ARHGAP6: variants seen among roughly 807,000 people sequenced by gnomAD.
ARHGAP6 encodes the protein Rho GTPase activating protein 6.
Under a neutral mutation model 55.7 loss-of-function variants are expected in ARHGAP6, and 16 were observed. That is an observed-to-expected ratio of 0.29 (90% CI 0.19 to 0.44). ARHGAP6 has a LOEUF of 0.44. Among genes scored for constraint, ARHGAP6 ranks in the 20% least tolerant of loss-of-function variants. The pLI is 1.00. For synonymous variants in ARHGAP6, 382 were observed against 360.9 expected (o/e 1.06, Z -0.66); for missense variants, 698 against 808.9 (o/e 0.86, Z 1.66).
At chrX:11,412,521 C>T (rs1603190021) in intron 1 of ARHGAP6, among the ~76,000 whole-genome samples, 1 of 111,563 alleles carries the variant, frequency 9.0e-6, no homozygotes, top group African/African-American at 3.3e-5. Context: ...AAAGATAATC[C>T]GGAATTATGT....
chrX:11,394,134 C>A (rs1455422172), intron 1 of ARHGAP6, among the ~76,000 whole-genome samples: 3 of 111,748 alleles, frequency 2.7e-5, no homozygotes, highest in Admixed American at 1.9e-4. Flanking sequence ...AATAAATGTG[C>A]ACTCACAGAT....
chrX:11,208,574 C>T (rs1187307481), intron 2 of ARHGAP6, among the ~76,000 whole-genome samples: 3 of 112,359 alleles, frequency 2.7e-5, no homozygotes, highest in Non-Finnish European at 5.6e-5. Flanking sequence ...CTTTGACAGC[C>T]TTCCAGGAGA....
intron 1 of ARHGAP6, among the ~76,000 whole-genome samples, chrX:11,583,379 A>G (rs754785840): frequency 8.9e-6 from 1 of 112,338 alleles, no homozygotes; most frequent in Non-Finnish European, 1.9e-5. Flanking sequence ...TAAACACACA[A>G]AATAAGCCAC....
At chrX:11,362,866 C>T (rs898396080) in intron 1 of ARHGAP6, among the ~76,000 whole-genome samples, 4 of 110,869 alleles carry the variant, frequency 3.6e-5, no homozygotes, top group African/African-American at 6.6e-5. Context: ...ATTTGTTTAT[C>T]GGTCACATAG....
At chrX:11,268,758 C>T (rs986713536) in intron 1 of ARHGAP6, among the ~76,000 whole-genome samples, 2 of 111,266 alleles carry the variant, frequency 1.8e-5, no homozygotes, top group Non-Finnish European at 3.8e-5. Flanking sequence ...CTAGTGTAGT[C>T]CCCTGCCCTT....
chrX:11,557,563 AAC>A (rs1365291210), intron 1 of ARHGAP6, among the ~76,000 whole-genome samples: 11 of 112,046 alleles, frequency 9.8e-5, no homozygotes, highest in Middle Eastern at 4.6e-3. Flanking sequence ...CAGGAGCCAA[AAC>A]ATGAACAAAA....
At chrX:11,573,687 A>G (rs1430979438) in intron 1 of ARHGAP6, among the ~76,000 whole-genome samples, 3 of 110,446 alleles carry the variant, frequency 2.7e-5, no homozygotes, top group African/African-American at 9.9e-5. Context: ...TTGGTTCCAT[A>G]TGAACTTTAA....
chrX:11,207,588 T>C (rs2238900), intron 2 of ARHGAP6, among the ~76,000 whole-genome samples: 19,122 of 110,969 alleles, frequency 0.17, 1,274 homozygotes, highest in Middle Eastern at 0.22. Context: ...CTATGGGTCA[T>C]TGCATCTGGC....
rs2047914021 is a variant in ARHGAP6, at chrX:11,285,722, T to A, written c.589-31015A>T. Among the ~76,000 whole-genome samples the A allele has an allele frequency of 3.6e-5, 4 of 112,464 alleles. No homozygotes were observed. In the Admixed American group the frequency reaches 3.8e-4, roughly 11 times the overall value. On this transcript the variant is annotated intron_variant, in intron 1 of 12. Transcript: ENST00000337414. ...TAAGAACTAGAAAGGACCACAGTCATGATTTCTTTAGCCCGTTTATTTACA... is the reference window on the plus strand; with the variant it reads ...TAAGAACTAGAAAGGACCACAGTCAAGATTTCTTTAGCCCGTTTATTTACA...
intron 1 of ARHGAP6, among the ~76,000 whole-genome samples, chrX:11,487,101 A>G (rs1259463387): frequency 8.9e-6 from 1 of 112,334 alleles, no homozygotes; most frequent in African/African-American, 3.2e-5. Flanking sequence ...TGGAATTAGA[A>G]GCATTGGTGT....
At position 11,225,891 on chromosome X, in the gene ARHGAP6, C is replaced by T. The variant is rs185121895; in HGVS notation, c.748+28657G>A. On this transcript the variant is annotated intron_variant, in intron 2 of 12. Transcript: ENST00000337414. ...CAGTTTGACTTTATTAATATTTGTT[C>T]CACAGAGCTTTACAGGTATCCTTTA... 4.7e-3 allele frequency among the ~76,000 whole-genome samples: 512 copies of T among 109,738 alleles called. 2 individuals are homozygous for T. Among genetic ancestry groups the T allele is most frequent in the Non-Finnish European group, 5.7e-3 (302 of 52,725 alleles).
chrX:11,279,340 A>C (rs5979392), intron 1 of ARHGAP6, among the ~76,000 whole-genome samples: 24,063 of 111,389 alleles, frequency 0.22, 1,990 homozygotes, highest in Middle Eastern at 0.31. Flanking sequence ...TGAAAGTTTA[A>C]TAACTTCATA....
chrX:11,519,859 C>G (rs946736015), intron 1 of ARHGAP6, among the ~76,000 whole-genome samples: 5 of 104,052 alleles, frequency 4.8e-5, no homozygotes, highest in African/African-American at 1.8e-4. Flanking sequence ...AAGATTTAAA[C>G]GTTAGACCTA....
intron 1 of ARHGAP6, among the ~76,000 whole-genome samples, chrX:11,417,203 G>A (rs1698196509): frequency 9.8e-6 from 1 of 102,164 alleles, no homozygotes; most frequent in Non-Finnish European, 2.0e-5. Context: ...TATGTTTATG[G>A]ATGCTTTGGG....
At chrX:11,475,228 A>G (rs976667496) in intron 1 of ARHGAP6, among the ~76,000 whole-genome samples, 1 of 111,133 alleles carries the variant, frequency 9.0e-6, no homozygotes, top group Admixed American at 9.6e-5. Flanking sequence ...CTTGTGCCCT[A>G]TTTTTAAAAA....
intron 1 of ARHGAP6, among the ~76,000 whole-genome samples, chrX:11,661,472 G>C (rs1208311609): frequency 8.9e-6 from 1 of 112,623 alleles, no homozygotes; most frequent in Non-Finnish European, 1.9e-5. Context: ...AGCTTTGAAC[G>C]AGCACAAGTA....
intron 1 of ARHGAP6, among the ~76,000 whole-genome samples, chrX:11,400,498 C>T (rs993537790): frequency 1.9e-5 from 2 of 106,443 alleles, no homozygotes; most frequent in African/African-American, 3.5e-5. Context: ...GAACGTGCCC[C>T]CCCGCACCCC....
Position 11,182,057 on chromosome X carries a change from A to C in ARHGAP6, c.1329+6T>G, listed in dbSNP as rs186584997. The C allele has an allele frequency of 4.2e-6, 5 of 1,196,819 alleles. No individual in the cohort carries two copies. The Admixed American group carries it at 8.8e-5, about 21-fold the overall frequency. On this transcript the variant is annotated splice_donor_region_variant and intron_variant, in intron 6 of 12. Transcript: ENST00000337414. ...AAACAAAATATAATCTTTACTTTTC[A>C]CTTACTTGTCTCACTCTCTTTTTTG...
chrX:11,236,125 T>G (rs934500618), intron 2 of ARHGAP6, among the ~76,000 whole-genome samples: 3 of 112,163 alleles, frequency 2.7e-5, no homozygotes, highest in Non-Finnish European at 5.6e-5. Flanking sequence ...CTGGGTAATT[T>G]ATAAATGAAA....
Sources: gnomAD v4.1 joint callset for allele counts (sites outside exome capture counted in the v4.1 genomes callset) on GRCh38, gnomAD v4.1.1 for gene constraint, MANE v1.5 for transcripts, NCBI Gene and HGNC (gene_info 2026-07-23, HGNC 2026-07-21) for gene names.